The following UBE2H variants were observed in gnomAD, a reference collection of about 807,000 sequenced individuals.
The protein encoded by UBE2H is ubiquitin-conjugating enzyme E2 H.
A neutral mutation model predicts 29.0 loss-of-function variants in UBE2H; 3 were observed. The observed-to-expected ratio is 0.10, with a 90% confidence interval of 0.05 to 0.27. UBE2H has a LOEUF of 0.27. Among genes scored for constraint, UBE2H ranks in the 10% least tolerant of loss-of-function variants. The probability of loss-of-function intolerance (pLI) is 1.00; values close to 1 mark genes in which losing one functional copy is unlikely to be tolerated. For missense variants in UBE2H, 68 were observed against 228.2 expected (o/e 0.30, Z 4.52); for synonymous variants, 69 against 82.9 (o/e 0.83, Z 0.91).
At chr7:129,927,670 G>A (rs113139080) in intron 1 of UBE2H, among the ~76,000 whole-genome samples, 4 of 152,318 alleles carry the variant, frequency 2.6e-5, no homozygotes, top group African/African-American at 9.6e-5. Flanking sequence ...CCAGCATCAT[G>A]GATGAGTTTA....
At chr7:129,885,708 C>T (rs1272789661) in intron 1 of UBE2H, among the ~76,000 whole-genome samples, 1 of 152,144 alleles carries the variant, frequency 6.6e-6, no homozygotes, top group East Asian at 1.9e-4. Context: ...ACCTTTAAAA[C>T]TTTTACCAAA....
rs534216932 is a variant in UBE2H, at chr7:129,831,517, G to A, written c.*3420C>T. Reference sequence around the variant, plus strand: ...ACTAGGACTTCAGGGGGCCTTTGGAGGGAAAAATTCCTTTGAGAGGAGACA... The same window carrying A: ...ACTAGGACTTCAGGGGGCCTTTGGAAGGAAAAATTCCTTTGAGAGGAGACA... On this transcript the variant is annotated 3_prime_UTR_variant, in exon 7 of 7. Coordinates refer to ENST00000355621, the MANE Select transcript of UBE2H (RefSeq NM_003344.4). 13 of 152,266 alleles carry A rather than the reference G, an allele frequency of 8.5e-5. No homozygotes were observed. The highest frequency in any genetic ancestry group is 3.1e-4 in the African/African-American group (13 of 41,558). The allele number at this position is 152,266 out of a possible 1,614,324, so 9.4% of individuals were successfully genotyped here.
intron 1 of UBE2H, among the ~76,000 whole-genome samples, chr7:129,895,628 C>T (rs1408175826): frequency 3.9e-5 from 6 of 152,148 alleles, no homozygotes; most frequent in African/African-American, 7.2e-5. Context: ...AGGCCAGGCA[C>T]GGTGGCTCAC....
At chr7:129,952,281 G>A (rs1029970073) in intron 1 of UBE2H, among the ~76,000 whole-genome samples, 2 of 152,126 alleles carry the variant, frequency 1.3e-5, no homozygotes, top group African/African-American at 4.8e-5. Context: ...CAGGAAGAGC[G>A]AGCAGCAACG....
At chr7:129,855,963 G>T (rs1260446025) in intron 5 of UBE2H, among the ~76,000 whole-genome samples, 1 of 152,142 alleles carries the variant, frequency 6.6e-6, no homozygotes, top group Non-Finnish European at 1.5e-5. Flanking sequence ...CTATGGAGGG[G>T]TGTGATTTCA....
At chr7:129,926,898 G>A (rs1182876477) in intron 1 of UBE2H, among the ~76,000 whole-genome samples, 1 of 152,148 alleles carries the variant, frequency 6.6e-6, no homozygotes, top group Non-Finnish European at 1.5e-5. Context: ...GTACATACTA[G>A]TACATATGTA....
intron 3 of UBE2H, among the ~76,000 whole-genome samples, chr7:129,870,405 T>C (rs1424792744): frequency 6.6e-6 from 1 of 152,158 alleles, no homozygotes; most frequent in African/African-American, 2.4e-5. Context: ...CGCTTGAGTA[T>C]AGGAGTTCAA....
chr7:129,881,385 G>A (rs952179464), intron 1 of UBE2H, among the ~76,000 whole-genome samples: 4 of 152,190 alleles, frequency 2.6e-5, no homozygotes, highest in Non-Finnish European at 5.9e-5. Flanking sequence ...AGCGGCTCAC[G>A]CCTGTAATCC....
At chr7:129,913,084 C>G (rs2116451840) in intron 1 of UBE2H, among the ~76,000 whole-genome samples, 1 of 152,038 alleles carries the variant, frequency 6.6e-6, no homozygotes, top group Admixed American at 6.6e-5. Context: ...AACCTCGTCT[C>G]TACTAAAAAT....
At chr7:129,881,054 A>G in intron 1 of UBE2H, 83 bp from the exon 2 acceptor site, 1 of 1,226,630 alleles carries the variant, frequency 8.2e-7, no homozygotes, top group Non-Finnish European at 1.1e-6. Flanking sequence ...TATGCCACTT[A>G]AAGTGTTACC....
chr7:129,867,724 CA>C (rs1473451530), intron 3 of UBE2H, among the ~76,000 whole-genome samples: 1,731 of 31,192 alleles, frequency 0.055, 79 homozygotes, highest in Middle Eastern at 0.083. Flanking sequence ...AAAAGAAAAC[CA>C]AAAAAAAAAA....
At chr7:129,928,221 G>A (rs1807312467) in intron 1 of UBE2H, among the ~76,000 whole-genome samples, 1 of 151,970 alleles carries the variant, frequency 6.6e-6, no homozygotes, top group African/African-American at 2.4e-5. Context: ...GTCCACTTGG[G>A]AGGCTGAGGC....
intron 5 of UBE2H, among the ~76,000 whole-genome samples, chr7:129,856,023 T>C (rs111765387): frequency 0.021 from 3,269 of 152,186 alleles, 43 homozygotes; most frequent in Admixed American, 0.037. Context: ...ATATGTGAGA[T>C]GAGTGAAGAA....
Position 129,904,896 on chromosome 7 carries a change from G to C in UBE2H, c.54-23925C>G, listed in dbSNP as rs141234024. ...AAGGTGCTCCTGTCCTAATCCAGGA[G>C]GTGGGGAAGCCAAAGGTGTTTTCAA... On this transcript the variant is annotated intron_variant, in intron 1 of 6. Coordinates refer to ENST00000355621, the MANE Select transcript of UBE2H (RefSeq NM_003344.4). Among the ~76,000 whole-genome samples, 3 of 152,228 alleles carry C rather than the reference G, an allele frequency of 2.0e-5. No individual in the cohort carries two copies. The East Asian group carries it at 5.8e-4, about 29-fold the overall frequency.
At chr7:129,882,697 T>C (rs1057490384) in intron 1 of UBE2H, among the ~76,000 whole-genome samples, 6 of 152,354 alleles carry the variant, frequency 3.9e-5, no homozygotes, top group South Asian at 2.1e-4. Context: ...AAATGACACA[T>C]GCATGCCTAC....
chr7:129,878,421 C>A (rs181936227), intron 3 of UBE2H, among the ~76,000 whole-genome samples: 1 of 151,856 alleles, frequency 6.6e-6, no homozygotes, highest in African/African-American at 2.4e-5. Context: ...CAATGGCTCA[C>A]GCCTGTAATT....
chr7:129,898,608 T>C (rs940178122), intron 1 of UBE2H, among the ~76,000 whole-genome samples: 2 of 152,126 alleles, frequency 1.3e-5, no homozygotes, highest in Non-Finnish European at 2.9e-5. Flanking sequence ...AAACTTGACA[T>C]TGAAAAGGTG....
At chr7:129,937,300 G>A (rs1807551145) in intron 1 of UBE2H, among the ~76,000 whole-genome samples, 1 of 152,108 alleles carries the variant, frequency 6.6e-6, no homozygotes, top group Admixed American at 6.6e-5. Flanking sequence ...CTGCACTTCG[G>A]CCTGGGCAAC....
At position 129,874,605 on chromosome 7, in the gene UBE2H, G is replaced by A. The variant is rs377322910; in HGVS notation, c.205+4963C>T. ...ATTACTGGCGTGAGCCACCACACCC[G>A]GCCCTGTATCTTTTATTAGAAGACT... On this transcript the variant is annotated intron_variant, in intron 3 of 6. Transcript: ENST00000355621. Among the ~76,000 whole-genome samples, 49 of 152,172 alleles carry A rather than the reference G, an allele frequency of 3.2e-4. No individual in the cohort carries two copies. The South Asian group carries it at 7.3e-3, about 23-fold the overall frequency.
Sources: gnomAD v4.1 joint callset for allele counts (sites outside exome capture counted in the v4.1 genomes callset) on GRCh38, gnomAD v4.1.1 for gene constraint, MANE v1.5 for transcripts, NCBI Gene and HGNC (gene_info 2026-07-23, HGNC 2026-07-21) for gene names.